The following PCDH9 variants were observed in gnomAD, a reference collection of about 807,000 sequenced individuals.
PCDH9 encodes protocadherin-9.
PCDH9 carries 24 observed loss-of-function variants against 70.6 expected under a neutral mutation model. The ratio of observed to expected loss-of-function variants is 0.34; its 90% CI spans 0.25 to 0.48. The LOEUF (loss-of-function observed/expected upper bound fraction) is 0.48, where lower values mean the gene tolerates loss of function less well. Among genes scored for constraint, PCDH9 ranks in the 20% least tolerant of loss-of-function variants. The probability of loss-of-function intolerance (pLI) is 0.99; values close to 1 mark genes in which losing one functional copy is unlikely to be tolerated. For synonymous variants in PCDH9, 562 were observed against 558.5 expected, an observed-to-expected ratio of 1.01 and a Z score of -0.09; for missense variants, 1,281 against 1,503.6, an observed-to-expected ratio of 0.85 and a Z score of 2.45.
chr13:66,431,243 A>G (rs572521686), intron 4 of PCDH9, among the ~76,000 whole-genome samples: 7 of 152,216 alleles, frequency 4.6e-5, no homozygotes, highest in Non-Finnish European at 8.8e-5. Context: ...TAAAATGTAT[A>G]AAATGTATTT....
intron 3 of PCDH9, among the ~76,000 whole-genome samples, chr13:66,645,392 A>G (rs950220203): frequency 2.6e-5 from 4 of 152,110 alleles, no homozygotes; most frequent in African/African-American, 9.7e-5. Flanking sequence ...TTTGAGATAT[A>G]AATATATTTT....
intron 4 of PCDH9, among the ~76,000 whole-genome samples, chr13:66,393,794 ACTGTAAG>A (rs1321683797): frequency 6.6e-6 from 1 of 152,152 alleles, no homozygotes; most frequent in Non-Finnish European, 1.5e-5. Flanking sequence ...TGAACAGTGC[ACTGTAAG>A]CTGTCGATGA....
At chr13:67,092,210 TTATATC>T (rs1193055005) in intron 2 of PCDH9, among the ~76,000 whole-genome samples, 3 of 152,156 alleles carry the variant, frequency 2.0e-5, no homozygotes, top group Non-Finnish European at 2.9e-5. Flanking sequence ...TTAAATTTCT[TTATATC>T]TATATCGAGG....
At chr13:66,828,853 A>C (rs2080872198) in intron 3 of PCDH9, among the ~76,000 whole-genome samples, 1 of 69,000 alleles carries the variant, frequency 1.4e-5, no homozygotes, top group African/African-American at 3.5e-5. Flanking sequence ...TGTGGGGATA[A>C]AAAAAGTTCA....
chr13:66,503,930 G>A (rs931557443), intron 4 of PCDH9, among the ~76,000 whole-genome samples: 2 of 152,142 alleles, frequency 1.3e-5, no homozygotes, highest in Non-Finnish European at 2.9e-5. Flanking sequence ...CACAAAACAG[G>A]TCTGGGTCTT....
At chr13:66,608,847 T>A (rs1814406455) in intron 4 of PCDH9, among the ~76,000 whole-genome samples, 1 of 152,180 alleles carries the variant, frequency 6.6e-6, no homozygotes, top group South Asian at 2.1e-4. Flanking sequence ...ATTAGCATCT[T>A]GAATTGTAAG....
intron 3 of PCDH9, among the ~76,000 whole-genome samples, chr13:66,878,111 AAAG>A (rs1268036059): frequency 6.6e-6 from 1 of 152,244 alleles, no homozygotes; most frequent in African/African-American, 2.4e-5. Context: ...AAGGGAGAAA[AAAG>A]AAGATGCAGA....
Position 66,716,730 on chromosome 13 carries a change from T to C in PCDH9, c.3139-85319A>G, listed in dbSNP as rs369331943. ...TCTTGGCTGACCTACTTTTTTCTTA[T>C]TGACATGTTCTTCTTTCAGATATGC... On this transcript the variant is annotated intron_variant, in intron 3 of 4. Transcript: ENST00000377865. Among the ~76,000 whole-genome samples, 25 of 152,326 alleles carry C rather than the reference T, an allele frequency of 1.6e-4. No individual in the cohort carries two copies. In the East Asian group the frequency reaches 4.1e-3, roughly 25 times the overall value.
intron 4 of PCDH9, among the ~76,000 whole-genome samples, chr13:66,531,622 T>G (rs1386717722): frequency 2.0e-5 from 3 of 152,156 alleles, no homozygotes; most frequent in Non-Finnish European, 4.4e-5. Flanking sequence ...GTAATATTGA[T>G]TATGCTTTGA....
chr13:66,470,624 C>CA (rs1231864920), intron 4 of PCDH9, among the ~76,000 whole-genome samples: 4 of 145,212 alleles, frequency 2.8e-5, no homozygotes, highest in Non-Finnish European at 1.5e-5. Flanking sequence ...TGATGAGGTA[C>CA]AAAAAAACCC....
intron 2 of PCDH9, among the ~76,000 whole-genome samples, chr13:67,140,882 A>C (rs1032723950): frequency 6.6e-6 from 1 of 152,206 alleles, no homozygotes; most frequent in African/African-American, 2.4e-5. Flanking sequence ...GTGTCTGCAC[A>C]GTACTTCAGT....
At chr13:67,157,241 G>A (rs892026347) in intron 2 of PCDH9, among the ~76,000 whole-genome samples, 2 of 151,864 alleles carry the variant, frequency 1.3e-5, no homozygotes, top group Non-Finnish European at 2.9e-5. Flanking sequence ...TTGCCTCAAC[G>A]GTTTGCATAT....
intron 2 of PCDH9, among the ~76,000 whole-genome samples, chr13:67,192,854 G>A (rs1566486972): frequency 6.6e-6 from 1 of 152,114 alleles, no homozygotes; most frequent in Non-Finnish European, 1.5e-5. Flanking sequence ...AGAAGCACAT[G>A]TAAACTCTGT....
At position 66,323,549 on chromosome 13, in the gene PCDH9, T is replaced by C. The variant is rs1175602570; in HGVS notation, c.3341-18521A>G. On this transcript the variant is annotated intron_variant, in intron 4 of 4. Transcript: ENST00000377865. ...GTTTTCTTCTAAGGAATTAAAGAGT[T>C]TTGTTTCTTTGGCTTCTTTCTTGTA... 3.9e-5 allele frequency: 6 copies of C among 152,168 alleles called. No homozygotes were observed. In the South Asian group the frequency reaches 1.2e-3, roughly 32 times the overall value. The allele number at this position is 152,168 out of a possible 1,614,324, so 9.4% of individuals were successfully genotyped here. A position where few individuals can be genotyped will look rare whatever the true frequency, so the allele number is the denominator to read the frequency against.
At chr13:67,138,092 A>C (rs1292294887) in intron 2 of PCDH9, among the ~76,000 whole-genome samples, 2 of 152,162 alleles carry the variant, frequency 1.3e-5, no homozygotes, top group African/African-American at 2.4e-5. Flanking sequence ...TAAATTAAAA[A>C]AAAATTCACC....
chr13:67,138,586 C>A (rs895525475), intron 2 of PCDH9, among the ~76,000 whole-genome samples: 10 of 152,194 alleles, frequency 6.6e-5, no homozygotes, highest in African/African-American at 1.9e-4. Flanking sequence ...ATAGGGCGTA[C>A]CCCGAGTCAC....
intron 3 of PCDH9, among the ~76,000 whole-genome samples, chr13:66,820,024 G>A (rs2080682109): frequency 6.6e-6 from 1 of 152,106 alleles, no homozygotes; most frequent in Admixed American, 6.5e-5. Flanking sequence ...ATGCTTACCT[G>A]TTACTCTTCA....
chr13:66,939,947 C>A (rs1408806489), intron 2 of PCDH9, among the ~76,000 whole-genome samples: 1 of 151,922 alleles, frequency 6.6e-6, no homozygotes, highest in African/African-American at 2.4e-5. Flanking sequence ...AATTCCTTAA[C>A]AATGTTTTAT....
intron 4 of PCDH9, among the ~76,000 whole-genome samples, chr13:66,402,304 G>A (rs1256235430): frequency 6.6e-6 from 1 of 151,980 alleles, no homozygotes; most frequent in African/African-American, 2.4e-5. Context: ...CAGAGTTCCT[G>A]TTAAGTAAAC....
Sources: allele counts gnomAD v4.1 joint callset (sites outside exome capture counted in the v4.1 genomes callset), GRCh38; gene constraint gnomAD v4.1.1; transcripts MANE v1.5; gene names NCBI Gene and HGNC (gene_info 2026-07-23, HGNC 2026-07-21).